Variants in PCNX2 observed in about 807,000 individuals in gnomAD.
PCNX2 encodes pecanex-like protein 2.
PCNX2 carries 168 observed loss-of-function variants against 223.8 expected under a neutral mutation model. That is an observed-to-expected ratio of 0.75 (90% confidence interval 0.66 to 0.85). The LOEUF is 0.85. Among genes scored for constraint, PCNX2 ranks in the 40% least tolerant of loss-of-function variants. The probability of loss-of-function intolerance (pLI) is 0.00; values close to 1 mark genes in which losing one functional copy is unlikely to be tolerated. For missense variants in PCNX2, 2,507 were observed against 2,675.5 expected (o/e 0.94, Z 1.39); for synonymous variants, 1,006 against 1,052.6 (o/e 0.96, Z 0.86).
At chr1:233,219,489 G>A (rs570950229) in intron 10 of PCNX2, among the ~76,000 whole-genome samples, 22 of 152,148 alleles carry the variant, frequency 1.4e-4, no homozygotes, top group African/African-American at 4.3e-4. Flanking sequence ...TGGGTCATTC[G>A]CAAGGATTCT....
chr1:233,074,781 C>T (rs1332670307), intron 23 of PCNX2, among the ~76,000 whole-genome samples: 3 of 152,040 alleles, frequency 2.0e-5, no homozygotes, highest in African/African-American at 4.8e-5. Context: ...AAACATTTCA[C>T]TGAAGAGACT....
chr1:233,019,330 T>C, intron 26 of PCNX2: 1 of 427,722 alleles, frequency 2.3e-6, no homozygotes, highest in Non-Finnish European at 3.1e-6. Flanking sequence ...ATAACTAGAA[T>C]TCAGTAGTGT....
chr1:232,986,423 G>A lies in PCNX2; in HGVS notation c.5909C>T (p.Ser1970Phe). Reference protein sequence around the residue: ...LESRQTFLQTSTSVHELAQRL... With the variant: ...LESRQTFLQTFTSVHELAQRL... ...CTGGGCCAGCTCGTGCACTGAGGTG[G>A]ACGTCTGGAGGAATGTTTGGCGGCT... The change falls in exon 33 of 34, where the codon TCC becomes TTC. Residue 1970 changes from serine to phenylalanine, a missense_variant. By Grantham distance (155) the Ser-to-Phe change is radical. This residue lies in a region of PCNX2 where 1,372 missense variants were observed against 1,509.4 expected (regional missense o/e 0.91). Transcript: ENST00000258229. 1 of 1,606,912 alleles carries A rather than the reference G, an allele frequency of 6.2e-7. No individual in the cohort carries two copies. Among genetic ancestry groups the A allele is most frequent in the Non-Finnish European group, 8.5e-7 (1 of 1,176,808 alleles).
chr1:233,324,666 T>C, the PCNX2 span, among the ~76,000 whole-genome samples: 2 of 149,350 alleles, frequency 1.3e-5, no homozygotes, highest in Non-Finnish European at 3.0e-5. Flanking sequence ...ACTGGCATGA[T>C]CTCGGCTCAC....
chr1:233,223,071 C>T (rs1301326772), intron 10 of PCNX2, among the ~76,000 whole-genome samples: 3 of 152,106 alleles, frequency 2.0e-5, no homozygotes, highest in East Asian at 1.9e-4. Flanking sequence ...GGGACTTCAA[C>T]ATTAAAGGGT....
chr1:233,043,421 T>C (rs372012923), intron 25 of PCNX2, among the ~76,000 whole-genome samples: 1 of 152,152 alleles, frequency 6.6e-6, no homozygotes, highest in East Asian at 1.9e-4. Context: ...AAATTATTAT[T>C]ATACTTTAAG....
rs571333130 is a variant in PCNX2 at position 233,277,093 on chromosome 1, G to A, written c.154-13930C>T. Among the ~76,000 whole-genome samples, 5 of 152,272 alleles carry A rather than the reference G, an allele frequency of 3.3e-5. No individual in the cohort carries two copies. In the South Asian group the frequency reaches 1.0e-3, roughly 32 times the overall value. On this transcript the variant is annotated intron_variant, in intron 1 of 33. Transcript: ENST00000258229. ...CAGACAATGGGCCAAAGTGTGCAAA[G>A]GATACAAATCAGCATTAGAGACACA...
rs778818683 is a variant in PCNX2 at position 233,054,271 on chromosome 1, G to A, written c.4348C>T (p.Arg1450Ter). The change falls in exon 25 of 34, where the codon CGA becomes TGA. Residue 1450 changes from arginine (R) to a stop codon, truncating the protein, a stop_gained. Coordinates refer to ENST00000258229, the MANE Select transcript of PCNX2 (RefSeq NM_014801.4). LOFTEE classifies it high-confidence loss of function. ...TCTACAATGAAGAAATTCTTACCTC[G>A]GAATTCCAGTCCTCGAAGTTGAAAG... ...VTFQLRGLEF[R>*]GTYCQQREVE... is the part of the protein sequence containing the mutation. 5 of 1,612,534 alleles carry A rather than the reference G, an allele frequency of 3.1e-6. No homozygotes were observed. The highest frequency in any genetic ancestry group is 1.3e-5 in the African/African-American group (1 of 74,914).
intron 1 of PCNX2, among the ~76,000 whole-genome samples, chr1:233,294,638 C>T (rs758712446): frequency 6.6e-6 from 1 of 152,102 alleles, no homozygotes; most frequent in Non-Finnish European, 1.5e-5. Context: ...GCAGGTAAAC[C>T]ATTGTTTTAA....
intron 19 of PCNX2, among the ~76,000 whole-genome samples, chr1:233,144,736 T>C (rs1471496417): frequency 6.6e-6 from 1 of 152,180 alleles, no homozygotes; most frequent in East Asian, 1.9e-4. Flanking sequence ...GGATTATATG[T>C]CTTTTCCTTA....
rs532937983 is a variant in PCNX2 at position 233,236,696 on chromosome 1, G to A, written c.2358+149C>T. On this transcript the variant is annotated intron_variant, in intron 9 of 33. Coordinates refer to ENST00000258229, the MANE Select transcript of PCNX2 (RefSeq NM_014801.4). The stretch of plus-strand genomic sequence containing the variant: ...GATTTCCTTTCACATTCAGTCAGTA[G>A]ACTGCCTTGCAGTGATATATCAACA... The A allele has an allele frequency of 2.6e-5, 29 of 1,104,638 alleles. No homozygotes were observed. In the East Asian group the frequency reaches 6.2e-4, roughly 23 times the overall value. The allele number at this position is 1,104,638 out of a possible 1,614,324, so 68.4% of individuals were successfully genotyped here. A position where few individuals can be genotyped will look rare whatever the true frequency, so the allele number is the denominator to read the frequency against.
intron 32 of PCNX2, among the ~76,000 whole-genome samples, chr1:232,992,662 C>A (rs79348697): frequency 0.037 from 5,595 of 152,290 alleles, 324 homozygotes; most frequent in African/African-American, 0.13. Flanking sequence ...CTGGGTGACA[C>A]TGGGCAGTGA....
rs558731353 is a variant in PCNX2 at position 232,998,126 on chromosome 1, C to T, written c.5791+125G>A. 240 of 988,458 alleles carry T rather than the reference C, an allele frequency of 2.4e-4. 1 individual carries two copies. Among genetic ancestry groups the T allele is most frequent in the Middle Eastern group, 6.6e-4 (2 of 3,038 alleles). The allele number at this position is 988,458 out of a possible 1,614,324, so 61.2% of individuals were successfully genotyped here. A position where few individuals can be genotyped will look rare whatever the true frequency, so the allele number is the denominator to read the frequency against. On this transcript the variant is annotated intron_variant, in intron 32 of 33. Coordinates refer to ENST00000258229, the MANE Select transcript of PCNX2 (RefSeq NM_014801.4). Reference sequence around the variant, plus strand: ...GAACCTACAAGAGTCTGCAAATTTCCGGCATCTATTGTCCCAATGCAAGAA... The same window carrying T: ...GAACCTACAAGAGTCTGCAAATTTCTGGCATCTATTGTCCCAATGCAAGAA...
intron 23 of PCNX2, among the ~76,000 whole-genome samples, chr1:233,080,401 A>AC (rs541246932): frequency 7.1e-6 from 1 of 140,516 alleles, no homozygotes; most frequent in African/African-American, 2.5e-5. Context: ...CACACACACA[A>AC]ACACACACAC....
intron 1 of PCNX2, among the ~76,000 whole-genome samples, chr1:233,272,217 C>T (rs560883145): frequency 2.6e-5 from 4 of 151,042 alleles, no homozygotes; most frequent in South Asian, 2.1e-4. Flanking sequence ...CCCACAGAAT[C>T]GGAGAAAATC....
intron 1 of PCNX2, among the ~76,000 whole-genome samples, chr1:233,267,571 A>G (rs1183906015): frequency 7.9e-6 from 1 of 126,236 alleles, no homozygotes; most frequent in Non-Finnish European, 1.5e-5. Context: ...TTCTGTCTCT[A>G]TGATTTTGAC....
In PCNX2 at chr1:233,253,066, C is replaced by T. The variant is rs1659550247; in HGVS notation, c.1835-278G>A. On this transcript the variant is annotated intron_variant, in intron 5 of 33. Transcript: ENST00000258229. The surrounding 1 kb of genome is among the most constrained non-coding windows in gnomAD (Gnocchi z 4.2). ...GTTGAGGGACTCCCTTGAAATAACT[C>T]GGTGACCATACATGTGCCCAGCTGG... Among the ~76,000 whole-genome samples, 1 of 152,106 alleles carries T rather than the reference C, an allele frequency of 6.6e-6. No individual in the cohort carries two copies. The highest frequency in any genetic ancestry group is 1.5e-5 in the Non-Finnish European group (1 of 68,020).
At chr1:233,244,964 G>C (rs1659017888) in intron 8 of PCNX2, among the ~76,000 whole-genome samples, 1 of 152,180 alleles carries the variant, frequency 6.6e-6, no homozygotes, top group African/African-American at 2.4e-5. Flanking sequence ...AGGTCGTTTT[G>C]ATAATCCCAC....
intron 1 of PCNX2, among the ~76,000 whole-genome samples, chr1:233,282,176 G>A (rs1416449688): frequency 6.6e-6 from 1 of 152,076 alleles, no homozygotes; most frequent in Non-Finnish European, 1.5e-5. Context: ...GCTCACAATG[G>A]AAATGCTCTC....
Sources: allele counts gnomAD v4.1 joint callset (sites outside exome capture counted in the v4.1 genomes callset), GRCh38; gene constraint gnomAD v4.1.1; regional missense constraint gnomAD v4.1.1; non-coding constraint Gnocchi (gnomAD v3.1); transcripts MANE v1.5; gene names NCBI Gene and HGNC (gene_info 2026-07-23, HGNC 2026-07-21).